The following TSBP1 variants were observed in gnomAD, a reference collection of about 807,000 sequenced individuals.
TSBP1 encodes the protein testis-expressed basic protein 1.
In TSBP1, 56 loss-of-function variants were observed where a neutral mutation model predicts 68.8. The observed-to-expected ratio is 0.81, with a 90% confidence interval of 0.66 to 1.02. The LOEUF (loss-of-function observed/expected upper bound fraction) is 1.02, where lower values mean the gene tolerates loss of function less well. TSBP1 is among the 50% of genes least tolerant of loss of function. The probability of loss-of-function intolerance (pLI) is 0.00; values close to 1 mark genes in which losing one functional copy is unlikely to be tolerated. For missense variants in TSBP1, 502 were observed against 641.2 expected (o/e 0.78, Z 2.34); for synonymous variants, 171 against 208.7 (o/e 0.82, Z 1.56).
At chr6:32,295,349 CAAAAAAAAAAA>C (rs3038432) in intron 22 of TSBP1, among the ~76,000 whole-genome samples, 1 of 90,846 alleles carries the variant, frequency 1.1e-5, no homozygotes, top group African/African-American at 3.5e-5. Context: ...CACACACACA[CAAAAAAAAAAA>C]AAAAAAAAAA....
rs116791038 is a variant in TSBP1 at position 32,370,021 on chromosome 6, G to A, written c.14-38C>T. On this transcript the variant is annotated intron_variant, in intron 1 of 22. Coordinates refer to ENST00000612031, the Ensembl canonical transcript of TSBP1. The stretch of plus-strand genomic sequence containing the variant: ...ACTCACCTGTAAACATGCTTATTTA[G>A]ACCAGGAAATTACCAGAAACAACTT... 321 of 1,357,440 alleles carry A rather than the reference G, an allele frequency of 2.4e-4. 3 individuals are homozygous for A. The African/African-American group carries it at 4.2e-3, about 18-fold the overall frequency. 84.1% of individuals were successfully genotyped at this position (1,357,440 alleles called of 1,614,324 possible). A position where few individuals can be genotyped will look rare whatever the true frequency, so the allele number is the denominator to read the frequency against.
chr6:32,367,859 G>T, intron 4 of TSBP1, 66 bp downstream of exon 4: 1 of 1,177,786 alleles, frequency 8.5e-7, no homozygotes, highest in Non-Finnish European at 1.2e-6. Context: ...AAATGGAGAT[G>T]AGTTGATTCA....
intron 1 of TSBP1, among the ~76,000 whole-genome samples, chr6:32,370,407 G>GTGTATATATATATA (rs1241237254): frequency 7.7e-6 from 1 of 130,688 alleles, no homozygotes; most frequent in East Asian, 2.2e-4. Context: ...AAGATTTTCT[G>GTGTATATATATATA]TATATATATA....
rs139198334 is a variant in TSBP1, at chr6:32,315,487, G to A, written c.580+285C>T. Among the ~76,000 whole-genome samples, 123 of 152,202 alleles carry A rather than the reference G, an allele frequency of 8.1e-4. No individual in the cohort carries two copies. Among genetic ancestry groups the A allele is most frequent in the African/African-American group, 2.8e-3 (117 of 41,538 alleles). ...TCAGGCAGGAGAATTGCTTGGACTC[G>A]GCAGGTGGAGGTTGCAGTGAGCCTA... On this transcript the variant is annotated intron_variant, in intron 19 of 22. Coordinates refer to ENST00000612031, the Ensembl canonical transcript of TSBP1. The surrounding 1 kb of genome is among the most constrained non-coding windows in gnomAD (Gnocchi z 5.4).
At chr6:32,305,747 T>C (rs1020239428) in intron 19 of TSBP1, among the ~76,000 whole-genome samples, 5 of 152,310 alleles carry the variant, frequency 3.3e-5, no homozygotes, top group Non-Finnish European at 5.9e-5. Flanking sequence ...CCTCCTGCCT[T>C]GGCCTTCCAA....
chr6:32,371,376 A>G (rs541168362), intron 1 of TSBP1, among the ~76,000 whole-genome samples: 4 of 152,264 alleles, frequency 2.6e-5, no homozygotes, highest in Admixed American at 6.5e-5. Context: ...GATTATATAG[A>G]GTGACCATGC....
intron 22 of TSBP1, among the ~76,000 whole-genome samples, chr6:32,296,774 A>G (rs1322780206): frequency 6.6e-6 from 1 of 152,190 alleles, no homozygotes; most frequent in Non-Finnish European, 1.5e-5. Flanking sequence ...TTCATGACTC[A>G]TTTTAACCTA....
rs554430348 is a variant in TSBP1 at position 32,360,111 on chromosome 6, T to G, written c.218-4442A>C. Among the ~76,000 whole-genome samples, 8 of 152,304 alleles carry G rather than the reference T, an allele frequency of 5.3e-5. No individual in the cohort carries two copies. In the South Asian group the frequency reaches 1.7e-3, roughly 32 times the overall value. ...AGTGTATAATACATTATAGTCACCATGCTGTACATTGGGTCTACATAACGT... is the reference window on the plus strand; with the variant it reads ...AGTGTATAATACATTATAGTCACCAGGCTGTACATTGGGTCTACATAACGT... On this transcript the variant is annotated intron_variant, in intron 6 of 22. Coordinates refer to ENST00000612031, the Ensembl canonical transcript of TSBP1.
At chr6:32,349,988 T>A in intron 8 of TSBP1, 1 of 735,250 alleles carries the variant, frequency 1.4e-6, no homozygotes, top group Admixed American at 1.9e-5. Flanking sequence ...CAACCTGTCT[T>A]TCAATTTTGG....
intron 16 of TSBP1, chr6:32,323,821 T>C (rs1003144130): frequency 6.7e-6 from 4 of 600,070 alleles, no homozygotes; most frequent in Non-Finnish European, 3.0e-6. Context: ...GGAAAGTAAG[T>C]GGTTAAAGTA....
intron 10 of TSBP1, 129 bp from the exon 12 acceptor site, chr6:32,339,128 C>A: frequency 1.3e-6 from 1 of 784,850 alleles, no homozygotes. Flanking sequence ...GGTAAGTAGG[C>A]ATTTTCCTTT....
Position 32,333,943 on chromosome 6 carries a change from C to A in TSBP1, c.472+1494G>T. 1 of 245,330 alleles carries A rather than the reference C, an allele frequency of 4.1e-6. No homozygotes were observed. The highest frequency in any genetic ancestry group is 8.6e-6 in the Non-Finnish European group (1 of 116,786). 15.2% of individuals were successfully genotyped at this position (245,330 alleles called of 1,614,324 possible). ...GATACCCTTGGCTATGAGCAGTAAA[C>A]CAGTTACACATTTAGATATTATGCT... On this transcript the variant is annotated intron_variant, in intron 14 of 22. Coordinates refer to ENST00000612031, the Ensembl canonical transcript of TSBP1. The surrounding 1 kb of genome is among the most constrained non-coding windows in gnomAD (Gnocchi z 4.2).
chr6:32,308,560 T>C (rs990639880), intron 19 of TSBP1, among the ~76,000 whole-genome samples: 3 of 140,086 alleles, frequency 2.1e-5, no homozygotes, highest in African/African-American at 8.1e-5. Context: ...ATCCCGCCAC[T>C]GCACTCCAGC....
At chr6:32,351,644 AAT>A (rs1177446610) in intron 8 of TSBP1, among the ~76,000 whole-genome samples, 1 of 152,050 alleles carries the variant, frequency 6.6e-6, no homozygotes, top group East Asian at 1.9e-4. Context: ...ATTAAAGTTA[AAT>A]TTTTCTGTAA....
At chr6:32,367,529 A>G (rs1195076229) in intron 4 of TSBP1, among the ~76,000 whole-genome samples, 1 of 152,168 alleles carries the variant, frequency 6.6e-6, no homozygotes, top group Non-Finnish European at 1.5e-5. Context: ...CATAAATTTC[A>G]TCTTCTTAAA....
rs1173374634 is a variant in TSBP1 at position 32,358,884 on chromosome 6, T to C, written c.218-3215A>G. On this transcript the variant is annotated intron_variant, in intron 6 of 22. Coordinates refer to ENST00000612031, the Ensembl canonical transcript of TSBP1. ...GTGCCGCAATAAACATACGTGTGCATGTGTCTTTATAGCAGCATGATTTGT... is the reference window on the plus strand; with the variant it reads ...GTGCCGCAATAAACATACGTGTGCACGTGTCTTTATAGCAGCATGATTTGT... 2.0e-5 allele frequency among the ~76,000 whole-genome samples: 3 copies of C among 149,974 alleles called. No individual in the cohort carries two copies. The Admixed American group carries it at 2.0e-4, about 10-fold the overall frequency.
Position 32,355,580 on chromosome 6 carries a change from G to C in TSBP1, c.238+69C>G, listed in dbSNP as rs961376783. On this transcript the variant is annotated intron_variant, in intron 7 of 22. Transcript: ENST00000612031. ...TGACAGGATTTCTCTTTCCTCCAAA[G>C]CATTTACAATCTAGGGAAATGTTAC... is the stretch of plus-strand genomic sequence containing the variant. 3.0e-5 allele frequency: 47 copies of C among 1,563,296 alleles called. 2 individuals carry two copies. The South Asian group carries it at 5.3e-4, about 18-fold the overall frequency.
intron 1 of TSBP1, among the ~76,000 whole-genome samples, 199 bp downstream of exon 1, chr6:32,371,495 C>T (rs563227661): frequency 1.3e-5 from 2 of 152,326 alleles, no homozygotes; most frequent in South Asian, 2.1e-4. Flanking sequence ...CCAGCACTAT[C>T]AGCCTAGAGC....
intron 6 of TSBP1, among the ~76,000 whole-genome samples, chr6:32,363,370 A>C (rs188844005): frequency 8.5e-5 from 13 of 152,112 alleles, no homozygotes; most frequent in Admixed American, 8.5e-4. Context: ...ATTTACGTTC[A>C]AGTAATTATT....
Sources: gnomAD v4.1 joint callset for allele counts (sites outside exome capture counted in the v4.1 genomes callset) on GRCh38, gnomAD v4.1.1 for gene constraint, Gnocchi (gnomAD v3.1) non-coding constraint, MANE v1.5 for transcripts, NCBI Gene and HGNC (gene_info 2026-07-23, HGNC 2026-07-21) for gene names.